The following MELTF variants were observed in gnomAD, a reference collection of about 807,000 sequenced individuals.
The protein encoded by MELTF is melanotransferrin.
A neutral mutation model predicts 83.7 loss-of-function variants in MELTF; 67 were observed. The ratio of observed to expected loss-of-function variants is 0.80; its 90% CI spans 0.66 to 0.98. The LOEUF (loss-of-function observed/expected upper bound fraction) is 0.98. Among genes scored for constraint, MELTF ranks in the 50% least tolerant of loss-of-function variants. The pLI, the probability that MELTF is intolerant of heterozygous loss-of-function variation, is 0.00. For missense variants in MELTF, 1,002 were observed against 1,035.6 expected (o/e 0.97, Z 0.44); for synonymous variants, 462 against 447.6 (o/e 1.03, Z -0.41).
intron 14 of MELTF, 35 bp from the exon 15 acceptor site, chr3:197,004,134 C>G: frequency 6.2e-7 from 1 of 1,609,446 alleles, no homozygotes; most frequent in Non-Finnish European, 8.5e-7. Flanking sequence ...CTGCTCCTCA[C>G]TGGGCTCAGG....
In MELTF at chr3:197,008,803, G is replaced by A. The variant is rs763711097; in HGVS notation, c.1682+6C>T. The A allele has an allele frequency of 1.9e-5, 30 of 1,613,912 alleles. No individual in the cohort carries two copies. Among genetic ancestry groups the A allele is most frequent in the Middle Eastern group, 1.6e-4 (1 of 6,082 alleles). On this transcript the variant is annotated splice_donor_region_variant and intron_variant, in intron 12 of 15. Coordinates refer to ENST00000296350, the MANE Select transcript of MELTF (RefSeq NM_005929.6). The surrounding 1 kb of genome is among the most constrained non-coding windows in gnomAD (Gnocchi z 5.4). Reference sequence around the variant, plus strand: ...ACAGCCCCAGACTGCCAGGCCACCCGGGTACCTGAAGGCGCCGCGGTAGCC... The same window carrying A: ...ACAGCCCCAGACTGCCAGGCCACCCAGGTACCTGAAGGCGCCGCGGTAGCC...
chr3:197,001,811 T>C lies in MELTF; in HGVS notation c.*1561A>G, dbSNP rs1718735142. ...TATTTTAGAAACCAACCAACATGTTTCATTAGCACTGACACAGCAGGGGTC... is the reference window on the plus strand; with the variant it reads ...TATTTTAGAAACCAACCAACATGTTCCATTAGCACTGACACAGCAGGGGTC... On this transcript the variant is annotated 3_prime_UTR_variant, in exon 16 of 16. Coordinates refer to ENST00000296350, the MANE Select transcript of MELTF (RefSeq NM_005929.6). The C allele has an allele frequency of 6.6e-6, 1 of 151,836 alleles. No individual in the cohort carries two copies. The highest frequency in any genetic ancestry group is 1.9e-4 in the East Asian group (1 of 5,152). 9.4% of individuals were successfully genotyped at this position (151,836 alleles called of 1,614,324 possible).
chr3:197,008,844 G>A lies in MELTF; in HGVS notation c.1647C>T (p.Ser549=). 1 of 1,614,164 alleles carries A rather than the reference G, an allele frequency of 6.2e-7. No homozygotes were observed. The highest frequency in any genetic ancestry group is 8.5e-7 in the Non-Finnish European group (1 of 1,180,034). The change falls in exon 12 of 16, where the codon AGC becomes AGT. Residue 549 remains serine (S), a synonymous_variant. Transcript: ENST00000296350. This position sits in a 1 kb window ranked among gnomAD's most constrained non-coding sequence, Gnocchi z 5.4. Reference sequence around the variant, plus strand: ...CGCGGTAGCCGTAATACCGCTCCTGGCTGTTGCCCACACACTTGTTGCGGC... The same window carrying A: ...CGCGGTAGCCGTAATACCGCTCCTGACTGTTGCCCACACACTTGTTGCGGC... ...EQGRNKCVGN[S]QERYYGYRGA... is the part of the protein sequence containing the mutation.
In MELTF at chr3:197,024,461, A is replaced by ACGG; in HGVS notation, c.326_328dup (p.Ala109dup). 6.3e-7 allele frequency: 1 copy of ACGG among 1,598,726 alleles called. No individual in the cohort carries two copies. Among genetic ancestry groups the ACGG allele is most frequent in the Non-Finnish European group, 8.6e-7 (1 of 1,169,484 alleles). On this transcript the variant is annotated inframe_insertion, in exon 4 of 16. Coordinates refer to ENST00000296350, the MANE Select transcript of MELTF (RefSeq NM_005929.6). This position sits in a 1 kb window ranked among gnomAD's most constrained non-coding sequence, Gnocchi z 5.3. ...ATGGGAGCTCCTCCTGACCACAGCC[A>ACGG]CGGCGTAATAGGAGGTACCGACCTC...
At chr3:197,015,230 C>T in intron 9 of MELTF, 135 bp downstream of exon 9, 1 of 1,151,754 alleles carries the variant, frequency 8.7e-7, no homozygotes, top group Non-Finnish European at 1.2e-6. Flanking sequence ...TCGCTCCTCC[C>T]CACCCGTCTC....
At chr3:197,010,460 G>T (rs1318476605) in intron 10 of MELTF, among the ~76,000 whole-genome samples, 2 of 152,242 alleles carry the variant, frequency 1.3e-5, no homozygotes, top group African/African-American at 4.8e-5. Context: ...CGTCTGCAAA[G>T]CCTCATGTAT....
intron 6 of MELTF, chr3:197,019,680 G>T (rs376704790): frequency 2.5e-6 from 4 of 1,613,814 alleles, no homozygotes; most frequent in Non-Finnish European, 3.4e-6. Flanking sequence ...GCCTGTGAAC[G>T]GGAGCCCATT....
chr3:197,004,135 T>A (rs1436233039), intron 14 of MELTF, 36 bp from the exon 15 acceptor site: 1 of 1,608,088 alleles, frequency 6.2e-7, no homozygotes, highest in Non-Finnish European at 8.5e-7. Context: ...TGCTCCTCAC[T>A]GGGCTCAGGC....
chr3:197,006,502 T>G lies in MELTF; in HGVS notation c.1938+47A>C. The G allele has an allele frequency of 6.4e-7, 1 of 1,565,624 alleles. No homozygotes were observed. Among genetic ancestry groups the G allele is most frequent in the Non-Finnish European group, 8.7e-7 (1 of 1,153,222 alleles). ...ACTGAGGCCTCCCAGGGGCTCAGCT[T>G]ACCTCTGCTGCACACCCCTCAATGA... On this transcript the variant is annotated intron_variant, in intron 14 of 15. Transcript: ENST00000296350. The surrounding 1 kb of genome is among the most constrained non-coding windows in gnomAD (Gnocchi z 5.4).
At chr3:197,019,690 T>A in intron 6 of MELTF, 1 of 1,614,024 alleles carries the variant, frequency 6.2e-7, no homozygotes, top group South Asian at 1.1e-5. Context: ...GGGAGCCCAT[T>A]TCCAGGCTTG....
rs1719703629 is a variant in MELTF, at chr3:197,023,263, G to A, written c.488-150C>T. The stretch of plus-strand genomic sequence containing the variant: ...TTCAGTCTGAGCAAAGCTGGGGAGT[G>A]GACCCGATCAGTGACCCCCAAACCG... On this transcript the variant is annotated intron_variant, in intron 4 of 15. Coordinates refer to ENST00000296350, the MANE Select transcript of MELTF (RefSeq NM_005929.6). 4 of 808,464 alleles carry A rather than the reference G, an allele frequency of 4.9e-6. No homozygotes were observed. The African/African-American group carries it at 7.0e-5, about 14-fold the overall frequency. The allele number at this position is 808,464 out of a possible 1,614,324, so 50.1% of individuals were successfully genotyped here. A position where few individuals can be genotyped will look rare whatever the true frequency, so the allele number is the denominator to read the frequency against.
rs766422104 is a variant in MELTF, at chr3:197,010,711, C to T, written c.1317G>A (p.Gly439=). ...GKTYGLVPAA[G]EHYAPEDSSN... ...CCCTGCACTCACGGGCATAGTGCTC[C>T]CCGGCTGCGGGAACCAGGCCGTACG... Residue 439 remains glycine, a synonymous_variant, in exon 10 of 16, where the codon GGG becomes GGA. Coordinates refer to ENST00000296350, the MANE Select transcript of MELTF (RefSeq NM_005929.6). The T allele has an allele frequency of 5.0e-6, 8 of 1,613,130 alleles. No individual in the cohort carries two copies. The East Asian group carries it at 1.3e-4, about 27-fold the overall frequency.
intron 2 of MELTF, 187 bp from the exon 3 acceptor site, chr3:197,026,946 T>G: frequency 1.7e-6 from 1 of 573,290 alleles, no homozygotes; most frequent in Non-Finnish European, 3.1e-6. Context: ...GGATTCACCT[T>G]GTTTTCCTAA....
chr3:197,019,861 C>A, intron 6 of MELTF: 1 of 1,508,440 alleles, frequency 6.6e-7, no homozygotes, highest in South Asian at 1.3e-5. Context: ...AAAAAAAAAC[C>A]CAATCATCAG....
chr3:197,021,408 C>A lies in MELTF; in HGVS notation c.708G>T (p.Thr236=). ...CCGTGCCCCTCCCCCACTCACCATC[C>A]GTGTTCTCCAGTACCGTGCTGTGCT... The part of the protein sequence containing the change: ...FVKHSTVLEN[T]DGKTLPSWGQ... The change falls in exon 6 of 16, where the codon ACG becomes ACT. Residue 236 remains threonine (T), a synonymous_variant. Coordinates refer to ENST00000296350, the MANE Select transcript of MELTF (RefSeq NM_005929.6). 3 of 1,614,074 alleles carry A rather than the reference C, an allele frequency of 1.9e-6. No homozygotes were observed. The highest frequency in any genetic ancestry group is 2.5e-6 in the Non-Finnish European group (3 of 1,179,990).
chr3:197,029,812 A>T lies in MELTF; in HGVS notation c.-110T>A, dbSNP rs373821009. On this transcript the variant is annotated 5_prime_UTR_variant, in exon 1 of 16. Coordinates refer to ENST00000296350, the MANE Select transcript of MELTF (RefSeq NM_005929.6). The surrounding 1 kb of genome is among the most constrained non-coding windows in gnomAD (Gnocchi z 6.5). The stretch of plus-strand genomic sequence containing the variant: ...CCCCTCGCGCTGGCCCGAGCTCCTT[A>T]AGTGCGGCCGCGAGTTCCCGGGCGG... 3.9e-6 allele frequency: 3 copies of T among 764,168 alleles called. No homozygotes were observed. Among genetic ancestry groups the T allele is most frequent in the Non-Finnish European group, 1.8e-6 (1 of 563,304 alleles). 47.3% of individuals were successfully genotyped at this position (764,168 alleles called of 1,614,324 possible). A position where few individuals can be genotyped will look rare whatever the true frequency, so the allele number is the denominator to read the frequency against.
rs1292497728 is a variant in MELTF, at chr3:197,024,895, T to C, written c.305-410A>G. Among the ~76,000 whole-genome samples the C allele has an allele frequency of 6.6e-6, 1 of 152,000 alleles. No homozygotes were observed. The highest frequency in any genetic ancestry group is 1.9e-4 in the East Asian group (1 of 5,180). ...GTTTGGGGGAATGGTGTCAGGGTCA[T>C]GGGAAGAAGGGTGTCTGGGAGGAGC... On this transcript the variant is annotated intron_variant, in intron 3 of 15. Transcript: ENST00000296350. This position sits in a 1 kb window ranked among gnomAD's most constrained non-coding sequence, Gnocchi z 5.3.
Position 197,029,666 on chromosome 3 carries a change from C to G in MELTF, c.37G>C (p.Ala13Pro). The G allele has an allele frequency of 8.0e-7, 1 of 1,247,024 alleles. No homozygotes were observed. Among genetic ancestry groups the G allele is most frequent in the Admixed American group, 4.1e-5 (1 of 24,622 alleles). 77.2% of individuals were successfully genotyped at this position (1,247,024 alleles called of 1,614,324 possible). A position where few individuals can be genotyped will look rare whatever the true frequency, so the allele number is the denominator to read the frequency against. The change falls in exon 1 of 16, where the codon GCT becomes CCT. Residue 13 changes from alanine to proline, a missense_variant. Physicochemically the swap from Ala to Pro is conservative, Grantham distance 27 (BLOSUM62 -1). Transcript: ENST00000296350. This position sits in a 1 kb window ranked among gnomAD's most constrained non-coding sequence, Gnocchi z 6.5. ...GPSGALWLLL[A>P]LRTVLGGMEV... is the part of the protein sequence containing the mutation. ...AGCGGGGCCTCACCGGTGCGCAGAG[C>G]CAGGAGCAGCCACAGAGCCCCGCTC...
In MELTF at chr3:197,016,250, A is replaced by G. The variant is rs1264273136; in HGVS notation, c.1020T>C (p.Tyr340=). Residue 340 remains tyrosine, a synonymous_variant, in exon 8 of 16, where the codon TAT becomes TAC. Transcript: ENST00000296350. ...GGTACTCATGGCCCAGCCACGCCTC[A>G]TAGGTCTGTGTGGCGATGGGCACAA... ...SELVPIATQT[Y]EAWLGHEYLH... is the part of the protein sequence containing the mutation. 1 of 1,611,676 alleles carries G rather than the reference A, an allele frequency of 6.2e-7. No homozygotes were observed. Among genetic ancestry groups the G allele is most frequent in the Non-Finnish European group, 8.5e-7 (1 of 1,178,782 alleles).
Sources: allele counts gnomAD v4.1 joint callset (sites outside exome capture counted in the v4.1 genomes callset), GRCh38; gene constraint gnomAD v4.1.1; non-coding constraint Gnocchi (gnomAD v3.1); transcripts MANE v1.5; gene names NCBI Gene and HGNC (gene_info 2026-07-23, HGNC 2026-07-21).